SRGAP1: variants seen among roughly 807,000 people sequenced by gnomAD.
The protein encoded by SRGAP1 is SLIT-ROBO Rho GTPase activating protein 1.
In SRGAP1, 43 loss-of-function variants were observed where a neutral mutation model predicts 121.9. That is an observed-to-expected ratio of 0.35 (90% CI 0.28 to 0.46). The LOEUF is 0.46. Ranked by LOEUF, SRGAP1 falls within the 20% of genes least tolerant of loss-of-function variation. The pLI, the probability that SRGAP1 is intolerant of heterozygous loss-of-function variation, is 1.00. For synonymous variants in SRGAP1, 447 were observed against 485.4 expected (o/e 0.92, Z 1.04); for missense variants, 1,102 against 1,350.9 (o/e 0.82, Z 2.89).
intron 18 of SRGAP1, among the ~76,000 whole-genome samples, chr12:64,121,180 A>G (rs2036601183): frequency 6.6e-6 from 1 of 150,988 alleles, no homozygotes; most frequent in Non-Finnish European, 1.5e-5. Context: ...TGCCTGGCTA[A>G]TTTTGTATTT....
chr12:64,060,320 A>G (rs540332539), intron 6 of SRGAP1, among the ~76,000 whole-genome samples: 6 of 151,268 alleles, frequency 4.0e-5, no homozygotes, highest in African/African-American at 1.2e-4. Flanking sequence ...TGATACCCCA[A>G]TCTCAACCTC....
chr12:63,915,169 A>G (rs891719411), intron 1 of SRGAP1, among the ~76,000 whole-genome samples: 1 of 152,240 alleles, frequency 6.6e-6, no homozygotes, highest in Non-Finnish European at 1.5e-5. Flanking sequence ...GCATAAATTT[A>G]AAAATTAATC....
rs2037165889 is a variant in SRGAP1, at chr12:64,156,571, T to G, written c.*13899T>G. The G allele has an allele frequency of 6.6e-6, 1 of 152,050 alleles. No individual in the cohort carries two copies. The highest frequency in any genetic ancestry group is 2.4e-5 in the African/African-American group (1 of 41,384). The allele number at this position is 152,050 out of a possible 1,614,324, so 9.4% of individuals were successfully genotyped here. A position where few individuals can be genotyped will look rare whatever the true frequency, so the allele number is the denominator to read the frequency against. On this transcript the variant is annotated 3_prime_UTR_variant, in exon 22 of 22. Coordinates refer to ENST00000355086, the MANE Select transcript of SRGAP1 (RefSeq NM_020762.4). Reference sequence around the variant, plus strand: ...GGTGCCCTGACCCCAAGATTAGGGGTTTTGTTAGAGGCAAAGCTAAAAGGA... The same window carrying G: ...GGTGCCCTGACCCCAAGATTAGGGGGTTTGTTAGAGGCAAAGCTAAAAGGA...
chr12:63,865,738 C>T (rs955878343), intron 1 of SRGAP1, among the ~76,000 whole-genome samples: 1 of 152,110 alleles, frequency 6.6e-6, no homozygotes, highest in Non-Finnish European at 1.5e-5. Flanking sequence ...TCCTATTGAC[C>T]AGTGCCGGCT....
chr12:64,074,298 G>A (rs1005440588), intron 8 of SRGAP1, among the ~76,000 whole-genome samples: 3 of 152,142 alleles, frequency 2.0e-5, no homozygotes, highest in Non-Finnish European at 4.4e-5. Context: ...TCAACTCAGG[G>A]ATCTTTTAAA....
rs776390314 is a variant in SRGAP1 at position 64,043,473 on chromosome 12, G to A, written c.699G>A (p.Lys233=). The change falls in exon 6 of 22, where the codon AAG becomes AAA. Residue 233 remains lysine, a synonymous_variant. Transcript: ENST00000355086. Reference sequence around the variant, plus strand: ...GACAAGCAAAATATTCAGAAAATAAGCTAAAATCAATTAAGGCACGGAACG... The same window carrying A: ...GACAAGCAAAATATTCAGAAAATAAACTAAAATCAATTAAGGCACGGAACG... ...EKRQAKYSEN[K]LKSIKARNEY... 6.2e-7 allele frequency: 1 copy of A among 1,610,948 alleles called. No homozygotes were observed.
intron 12 of SRGAP1, among the ~76,000 whole-genome samples, chr12:64,093,094 C>T (rs1052907301): frequency 2.0e-5 from 3 of 152,272 alleles, no homozygotes; most frequent in African/African-American, 4.8e-5. Context: ...CACAATGTCA[C>T]TGTGAAGACA....
intron 1 of SRGAP1, among the ~76,000 whole-genome samples, chr12:63,980,073 C>G (rs1414896141): frequency 3.9e-5 from 6 of 152,164 alleles, no homozygotes; most frequent in Admixed American, 2.0e-4. Flanking sequence ...TTGTTTGAGA[C>G]AGGGTGTCAC....
At chr12:64,124,057 A>G (rs1565691073) in intron 18 of SRGAP1, among the ~76,000 whole-genome samples, 1 of 150,584 alleles carries the variant, frequency 6.6e-6, no homozygotes, top group African/African-American at 2.4e-5. Flanking sequence ...TGTTTAAAAG[A>G]AAAAAAAAAT....
intron 17 of SRGAP1, among the ~76,000 whole-genome samples, chr12:64,115,597 CA>C (rs1015941964): frequency 1.3e-5 from 2 of 151,888 alleles, no homozygotes; most frequent in African/African-American, 2.4e-5. Context: ...CTCATCTTTA[CA>C]AAAAAATTAA....
chr12:63,871,737 G>T, intron 1 of SRGAP1: 1 of 1,032,506 alleles, frequency 9.7e-7, no homozygotes, highest in East Asian at 2.4e-5. Flanking sequence ...ATATTCCAAA[G>T]TTTAGAACTG....
chr12:63,920,301 G>A (rs1406414471), intron 1 of SRGAP1, among the ~76,000 whole-genome samples: 1 of 152,126 alleles, frequency 6.6e-6, no homozygotes, highest in African/African-American at 2.4e-5. Context: ...TGAAGTGAAC[G>A]ACCAAACCAT....
chr12:64,035,865 CA>C (rs2034892701), intron 4 of SRGAP1, among the ~76,000 whole-genome samples: 1 of 152,160 alleles, frequency 6.6e-6, no homozygotes, highest in African/African-American at 2.4e-5. Flanking sequence ...TATGAAGGCC[CA>C]AAGCCTGCAC....
rs1019571753 is a variant in SRGAP1, at chr12:64,151,464, ATAAT to A, written c.*8798_*8801del. ...GTTGTGGTGAGCAGCTCTGTATATA[ATAAT>A]TAATTGTCTGTGTTTGGATCATAAA... On this transcript the variant is annotated 3_prime_UTR_variant, in exon 22 of 22. Transcript: ENST00000355086. 2.7e-4 allele frequency: 41 copies of A among 152,214 alleles called. No individual in the cohort carries two copies. The highest frequency in any genetic ancestry group is 9.1e-4 in the African/African-American group (38 of 41,534). 9.4% of individuals were successfully genotyped at this position (152,214 alleles called of 1,614,324 possible).
chr12:64,128,405 G>C (rs572844213), intron 21 of SRGAP1, among the ~76,000 whole-genome samples: 6 of 152,240 alleles, frequency 3.9e-5, no homozygotes, highest in African/African-American at 1.2e-4. Context: ...AGGGCCCAAA[G>C]GTTCATAGTG....
intron 18 of SRGAP1, 95 bp from the exon 19 acceptor site, chr12:64,125,882 T>G: frequency 1.6e-6 from 2 of 1,284,178 alleles, no homozygotes; most frequent in East Asian, 2.4e-5. Context: ...TAAAATGGTC[T>G]TGATCATTTG....
chr12:64,051,558 T>C (rs2035239863), intron 6 of SRGAP1, among the ~76,000 whole-genome samples: 1 of 152,214 alleles, frequency 6.6e-6, no homozygotes, highest in African/African-American at 2.4e-5. Context: ...ATATGTGTCA[T>C]TGACACTGTA....
intron 1 of SRGAP1, among the ~76,000 whole-genome samples, chr12:63,877,104 A>T (rs1455360163): frequency 2.0e-5 from 3 of 152,204 alleles, no homozygotes; most frequent in Non-Finnish European, 2.9e-5. Context: ...ATGCGCCTGT[A>T]ATCTTAGCTA....
At chr12:63,926,708 T>A (rs2031275636) in intron 1 of SRGAP1, among the ~76,000 whole-genome samples, 1 of 152,184 alleles carries the variant, frequency 6.6e-6, no homozygotes, top group Admixed American at 6.5e-5. Flanking sequence ...ACACTGGAAA[T>A]TCATTCTTAG....
Sources: allele counts gnomAD v4.1 joint callset (sites outside exome capture counted in the v4.1 genomes callset), GRCh38; gene constraint gnomAD v4.1.1; transcripts MANE v1.5; gene names NCBI Gene and HGNC (gene_info 2026-07-23, HGNC 2026-07-21).